The following SOX30 variants were observed in gnomAD, a reference collection of about 807,000 sequenced individuals.
SOX30 encodes SRY-box transcription factor 30.
Under a neutral mutation model 58.6 loss-of-function variants are expected in SOX30, and 17 were observed. The ratio of observed to expected loss-of-function variants is 0.29; its 90% confidence interval spans 0.20 to 0.44. The LOEUF is 0.44. Among genes scored for constraint, SOX30 ranks in the 20% least tolerant of loss-of-function variants. The pLI is 1.00. For synonymous variants in SOX30, 421 were observed against 400.2 expected (o/e 1.05, Z -0.62); for missense variants, 951 against 965.8 (o/e 0.98, Z 0.20).
chr5:157,644,533 G>A (rs1759143070), intron 3 of SOX30, among the ~76,000 whole-genome samples: 1 of 152,138 alleles, frequency 6.6e-6, no homozygotes, highest in African/African-American at 2.4e-5. Context: ...TAAAATTAAT[G>A]TATCAAATGT....
At chr5:157,629,975 C>T (rs1758749999) in intron 4 of SOX30, among the ~76,000 whole-genome samples, 1 of 152,096 alleles carries the variant, frequency 6.6e-6, no homozygotes. Context: ...TTGTATCCTT[C>T]TTATATAAAA....
At chr5:157,637,133 C>G (rs1408573149) in intron 4 of SOX30, among the ~76,000 whole-genome samples, 1 of 62,842 alleles carries the variant, frequency 1.6e-5, no homozygotes, top group South Asian at 5.4e-4. Flanking sequence ...AACTCCGCCT[C>G]AAAAAAAAAA....
rs2113841850 is a variant in SOX30, at chr5:157,641,971, A to T, written c.1388-3249T>A. On this transcript the variant is annotated intron_variant, in intron 3 of 4. Transcript: ENST00000265007. ...GTGTACTGGGAAGATCTAGTACAGG[A>T]CAAGTGATCGATTAGAACAAAAAGG... Among the ~76,000 whole-genome samples, 3 of 152,310 alleles carry T rather than the reference A, an allele frequency of 2.0e-5. No homozygotes were observed. In the South Asian group the frequency reaches 6.2e-4, roughly 32 times the overall value.
At chr5:157,662,779 C>G (rs1488689614) in intron 2 of SOX30, among the ~76,000 whole-genome samples, 2 of 152,190 alleles carry the variant, frequency 1.3e-5, no homozygotes, top group Admixed American at 6.5e-5. Flanking sequence ...TGATGGTCTT[C>G]TCTCTAATGC....
At chr5:157,637,646 T>G (rs143241707) in intron 4 of SOX30, among the ~76,000 whole-genome samples, 6 of 152,310 alleles carry the variant, frequency 3.9e-5, no homozygotes, top group African/African-American at 1.4e-4. Context: ...CTAAATGATC[T>G]TAAGGTCCCT....
chr5:157,664,573 A>G (rs1242447702), intron 2 of SOX30, among the ~76,000 whole-genome samples: 1 of 152,240 alleles, frequency 6.6e-6, no homozygotes, highest in Admixed American at 6.5e-5. Context: ...ACCAAAAGCA[A>G]TGGCAACAAA....
chr5:157,655,901 G>T (rs1489134122), upstream of SOX30, among the ~76,000 whole-genome samples: 4 of 152,222 alleles, frequency 2.6e-5, no homozygotes, highest in African/African-American at 9.6e-5. Context: ...CATAAAGAGG[G>T]GTACCTTAGG....
rs1435786666 is a variant in SOX30, at chr5:157,651,541, C to T, written c.538G>A (p.Gly180Arg). ...GCCTCCAGCTTGCCCTTCTCGTCCC[C>T]TCGGAAGTAGCCGAGGGCCGGCCCG... is the stretch of plus-strand genomic sequence containing the variant. Reference protein sequence around the residue: ...GPGPALGYFRGDEKGKLEAEE... With the variant: ...GPGPALGYFRRDEKGKLEAEE... Residue 180 changes from glycine (G) to arginine (R), a missense_variant, in exon 1 of 5, where the codon GGG (glycine) becomes AGG (arginine). Physicochemically the swap from Gly to Arg is moderately radical, Grantham distance 125 (BLOSUM62 -2). Transcript: ENST00000265007. 1 of 1,613,188 alleles carries T rather than the reference C, an allele frequency of 6.2e-7. No homozygotes were observed. Among genetic ancestry groups the T allele is most frequent in the African/African-American group, 1.3e-5 (1 of 74,934 alleles).
intron 1 of SOX30, among the ~76,000 whole-genome samples, chr5:157,668,154 C>T (rs1759705433): frequency 1.3e-5 from 2 of 152,304 alleles, no homozygotes; most frequent in South Asian, 4.1e-4. Context: ...GAGGGATGCC[C>T]ATGTTTGGAG....
At chr5:157,643,621 A>G (rs1161851639) in intron 3 of SOX30, among the ~76,000 whole-genome samples, 1 of 152,118 alleles carries the variant, frequency 6.6e-6, no homozygotes, top group Non-Finnish European at 1.5e-5. Flanking sequence ...ATGGTGGTGA[A>G]ATGTATACAG....
intron 2 of SOX30, among the ~76,000 whole-genome samples, chr5:157,667,140 G>T (rs1471411669): frequency 6.6e-6 from 1 of 152,176 alleles, no homozygotes; most frequent in Non-Finnish European, 1.5e-5. Flanking sequence ...AGATGTGGAT[G>T]AGGGAGAGGC....
intron 3 of SOX30, among the ~76,000 whole-genome samples, chr5:157,645,326 G>C (rs577251727): frequency 3.9e-5 from 6 of 152,092 alleles, no homozygotes; most frequent in Middle Eastern, 3.4e-3. Context: ...ATTTAAAGAG[G>C]TTAAAAAAAA....
rs1759354695 is a variant in SOX30, at chr5:157,651,829, G to A, written c.250C>T (p.Pro84Ser). The A allele has an allele frequency of 6.3e-7, 1 of 1,586,570 alleles. No homozygotes were observed. The highest frequency in any genetic ancestry group is 8.5e-7 in the Non-Finnish European group (1 of 1,170,644). ...KPEQVLLLPQ[P>S]QAQNEEAAAS... ...GCGGCTTCCTCGTTCTGGGCCTGAG[G>A]CTGTGGTAGCAGCAACACCTGCTCT... Residue 84 changes from proline (P) to serine (S), a missense_variant, in exon 1 of 5, where the codon CCT (proline) becomes TCT (serine). By Grantham distance (74) the Pro-to-Ser change is moderately conservative. This residue lies in a region of SOX30 where 363 missense variants were observed against 294.5 expected (regional missense o/e 1.23). Transcript: ENST00000265007.
chr5:157,632,594 G>A (rs193116068), intron 4 of SOX30, among the ~76,000 whole-genome samples: 2 of 152,170 alleles, frequency 1.3e-5, no homozygotes, highest in Non-Finnish European at 2.9e-5. Context: ...TGGGCAAAAA[G>A]AGCGAAACTC....
intron 2 of SOX30, chr5:157,667,759 TACATACAC>T: frequency 2.2e-5 from 30 of 1,392,424 alleles, no homozygotes; most frequent in East Asian, 2.8e-5. Flanking sequence ...CATACATACA[TACATACAC>T]ACACACACAC....
chr5:157,661,555 C>T (rs952002962), intron 2 of SOX30, among the ~76,000 whole-genome samples: 3 of 152,190 alleles, frequency 2.0e-5, no homozygotes, highest in Non-Finnish European at 4.4e-5. Context: ...GGCTTTGTTT[C>T]AGTAAACTTT....
chr5:157,647,061 A>T (rs886380750), intron 2 of SOX30, among the ~76,000 whole-genome samples: 2 of 134,542 alleles, frequency 1.5e-5, no homozygotes, highest in African/African-American at 5.9e-5. Context: ...AGAGGGTCAA[A>T]TTTTTTTTTT....
chr5:157,636,298 A>G (rs1667817061), intron 4 of SOX30, among the ~76,000 whole-genome samples: 1 of 152,184 alleles, frequency 6.6e-6, no homozygotes, highest in African/African-American at 2.4e-5. Flanking sequence ...AGGCCTCAAG[A>G]TTCTAACTAA....
chr5:157,671,337 C>T (rs903147756), exon 1 of SOX30: 3 of 490,244 alleles, frequency 6.1e-6, no homozygotes, highest in Non-Finnish European at 1.1e-5. Flanking sequence ...CACCGCACCC[C>T]ACTTCTTCCA....
Sources: gnomAD v4.1 joint callset for allele counts (sites outside exome capture counted in the v4.1 genomes callset) on GRCh38, gnomAD v4.1.1 for gene constraint, gnomAD v4.1.1 regional missense constraint, MANE v1.5 for transcripts, NCBI Gene and HGNC (gene_info 2026-07-23, HGNC 2026-07-21) for gene names.